EPS8L2: variants seen among roughly 807,000 people sequenced by gnomAD.
EPS8L2 encodes the protein epidermal growth factor receptor kinase substrate 8-like protein 2.
EPS8L2 carries 81 observed loss-of-function variants against 99.4 expected under a neutral mutation model. The ratio of observed to expected loss-of-function variants is 0.82; its 90% CI spans 0.68 to 0.98. The LOEUF (loss-of-function observed/expected upper bound fraction) is 0.98. Among genes scored for constraint, EPS8L2 ranks in the 50% least tolerant of loss-of-function variants. The pLI, the probability that EPS8L2 is intolerant of heterozygous loss-of-function variation, is 0.00. For missense variants in EPS8L2, 1,155 were observed against 968.8 expected, an observed-to-expected ratio of 1.19 and a Z score of -2.55; for synonymous variants, 509 against 407.3, an observed-to-expected ratio of 1.25 and a Z score of -3.01.
chr11:716,857 T>C (rs1212651816), intron 4 of EPS8L2, among the ~76,000 whole-genome samples: 1 of 152,252 alleles, frequency 6.6e-6, no homozygotes, highest in Non-Finnish European at 1.5e-5. Context: ...AGACTTGTTC[T>C]GTGGCCCAGC....
At chr11:706,967 C>T (rs1471513255) in intron 1 of EPS8L2, among the ~76,000 whole-genome samples, 1 of 152,108 alleles carries the variant, frequency 6.6e-6, no homozygotes, top group East Asian at 1.9e-4. Context: ...GTCCAGCTGC[C>T]TGGCGTTGCC....
In EPS8L2 at chr11:723,428, AC is replaced by A. The variant is rs1216285224; in HGVS notation, c.1454+76del. 4.7e-6 allele frequency: 3 copies of A among 639,000 alleles called. No individual in the cohort carries two copies. The Admixed American group carries it at 9.4e-5, about 20-fold the overall frequency. The allele number at this position is 639,000 out of a possible 1,614,324, so 39.6% of individuals were successfully genotyped here. ...CTACAGTCTCTAAAAACATATGGGT[AC>A]GCTGCCACCAGGTGGTGGCAAGTGC... On this transcript the variant is annotated intron_variant, in intron 15 of 20. Coordinates refer to ENST00000318562, the MANE Select transcript of EPS8L2 (RefSeq NM_022772.4).
chr11:714,419 TG>T (rs1293512838), intron 4 of EPS8L2, among the ~76,000 whole-genome samples: 1 of 151,426 alleles, frequency 6.6e-6, no homozygotes, highest in Non-Finnish European at 1.5e-5. Context: ...TCATCAGAGA[TG>T]GGGTTTCACC....
chr11:714,218 C>A (rs1230147742), intron 4 of EPS8L2, among the ~76,000 whole-genome samples: 2 of 148,406 alleles, frequency 1.3e-5, no homozygotes, highest in East Asian at 3.9e-4. Flanking sequence ...CCTGTGTTTT[C>A]TTTTTCTTTT....
In EPS8L2 at chr11:706,276, G is replaced by C. The variant is rs1435962810; in HGVS notation, c.-91G>C. 1 of 151,990 alleles carries C rather than the reference G, an allele frequency of 6.6e-6. No individual in the cohort carries two copies. The highest frequency in any genetic ancestry group is 2.4e-5 in the African/African-American group (1 of 41,410). 9.4% of individuals were successfully genotyped at this position (151,990 alleles called of 1,614,324 possible). A position where few individuals can be genotyped will look rare whatever the true frequency, so the allele number is the denominator to read the frequency against. On this transcript the variant is annotated 5_prime_UTR_variant, in exon 1 of 21. Coordinates refer to ENST00000318562, the MANE Select transcript of EPS8L2 (RefSeq NM_022772.4). The stretch of plus-strand genomic sequence containing the variant: ...GCCGAGGGGACAGGCCGAGCGCGGG[G>C]CGCCGGAGGCAGGTGAGCGCTGCGG...
At chr11:719,593 T>C (rs1308379924) in intron 4 of EPS8L2, among the ~76,000 whole-genome samples, 1 of 152,224 alleles carries the variant, frequency 6.6e-6, no homozygotes, top group Non-Finnish European at 1.5e-5. Flanking sequence ...ACCGGAACAG[T>C]GCCTTGGAGT....
In EPS8L2 at chr11:724,466, C is replaced by A. The variant is rs1273396965; in HGVS notation, c.1455-258C>A. On this transcript the variant is annotated intron_variant, in intron 15 of 20. Coordinates refer to ENST00000318562, the MANE Select transcript of EPS8L2 (RefSeq NM_022772.4). This position sits in a 1 kb window ranked among gnomAD's most constrained non-coding sequence, Gnocchi z 5.5. ...ACCCCTGAGGTGGCCTGGGATGGGC[C>A]AGCCTTGCTGTACCACAGGCCCCTG... 3 of 514,848 alleles carry A rather than the reference C, an allele frequency of 5.8e-6. No individual in the cohort carries two copies. Among genetic ancestry groups the A allele is most frequent in the Non-Finnish European group, 1.1e-5 (3 of 283,844 alleles). The allele number at this position is 514,848 out of a possible 1,614,324, so 31.9% of individuals were successfully genotyped here. A position where few individuals can be genotyped will look rare whatever the true frequency, so the allele number is the denominator to read the frequency against.
rs548063340 is a variant in EPS8L2 at position 721,293 on chromosome 11, C to T, written c.709C>T (p.Arg237Cys). ...QVPLSEPGFR[R>C]RESQEEPRAV... ...GCCGTGTCCCCCATCAGGTTTCCGC[C>T]GTCGGGAGTCGCAGGAGGAGCCGCG... Residue 237 changes from arginine to cysteine, a missense_variant, in exon 9 of 21, where the codon CGT (arginine) becomes TGT (cysteine). Arg to Cys is a radical substitution (Grantham distance 180). Transcript: ENST00000318562. The T allele has an allele frequency of 6.5e-6, 10 of 1,540,100 alleles. No individual in the cohort carries two copies. The African/African-American group carries it at 9.6e-5, about 15-fold the overall frequency.
chr11:716,923 C>T (rs769840491), intron 4 of EPS8L2, among the ~76,000 whole-genome samples: 38 of 152,164 alleles, frequency 2.5e-4, no homozygotes, highest in Non-Finnish European at 5.0e-4. Flanking sequence ...CTCTGCCTCT[C>T]GCAGAGAGAT....
At chr11:716,129 T>C (rs1286362208) in intron 4 of EPS8L2, among the ~76,000 whole-genome samples, 1 of 149,706 alleles carries the variant, frequency 6.7e-6, no homozygotes, top group East Asian at 2.0e-4. Flanking sequence ...TGCACCACCA[T>C]GCCTGGCTAA....
chr11:709,932 T>G, intron 3 of EPS8L2: 1 of 460,322 alleles, frequency 2.2e-6, no homozygotes, highest in Non-Finnish European at 4.0e-6. Context: ...GAGGGGGGCC[T>G]GGCCAGCCCC....
intron 4 of EPS8L2, among the ~76,000 whole-genome samples, chr11:719,643 G>A (rs1395070030): frequency 2.0e-5 from 3 of 152,254 alleles, no homozygotes; most frequent in East Asian, 1.9e-4. Context: ...CGTGCAGCGC[G>A]ACGTTGGGTC....
rs1217761456 is a variant in EPS8L2, at chr11:720,613, TC to T, written c.347del (p.Pro116ArgfsTer70). 1 of 1,600,228 alleles carries T rather than the reference TC, an allele frequency of 6.2e-7. No individual in the cohort carries two copies. The highest frequency in any genetic ancestry group is 2.3e-5 in the East Asian group (1 of 44,330). Reference sequence around the variant, plus strand: ...TACCCGCAGGAGGAGCTGGAAGACTTCCCGCTGCCCACGGTGCAGCGCAGCC... The same window carrying T: ...TACCCGCAGGAGGAGCTGGAAGACTTCCGCTGCCCACGGTGCAGCGCAGCC... ...DIESQEELED[F>X]PLPTVQRSQT... On this transcript the variant is annotated frameshift_variant, in exon 6 of 21. Coordinates refer to ENST00000318562, the MANE Select transcript of EPS8L2 (RefSeq NM_022772.4). LOFTEE classifies it high-confidence loss of function.
chr11:721,008 G>GT (rs1862156586), intron 7 of EPS8L2, 56 bp from the exon 8 acceptor site: 1 of 1,490,610 alleles, frequency 6.7e-7, no homozygotes, highest in African/African-American at 1.4e-5. Flanking sequence ...GCCCGGCAGG[G>GT]AGGGAGGGTC....
At chr11:721,245 T>A in intron 8 of EPS8L2, 39 bp downstream of exon 8, 1 of 1,537,684 alleles carries the variant, frequency 6.5e-7, no homozygotes, top group Non-Finnish European at 8.7e-7. Flanking sequence ...CAGGGCTCGT[T>A]GTGGGGGGCT....
intron 4 of EPS8L2, among the ~76,000 whole-genome samples, chr11:716,325 T>G (rs10902204): frequency 0.51 from 77,378 of 151,744 alleles, 20,193 homozygotes; most frequent in Admixed American, 0.57. Context: ...ATTTTTTGTG[T>G]TTTTAGTAGA....
rs770884434 is a variant in EPS8L2, at chr11:721,279, C to T, written c.701-6C>T. On this transcript the variant is annotated splice_polypyrimidine_tract_variant and splice_region_variant and intron_variant, in intron 8 of 20. Transcript: ENST00000318562. The stretch of plus-strand genomic sequence containing the variant: ...CTCGGTGAGCAGCCGCCGTGTCCCC[C>T]ATCAGGTTTCCGCCGTCGGGAGTCG... The T allele has an allele frequency of 2.4e-5, 37 of 1,540,274 alleles. No individual in the cohort carries two copies. The highest frequency in any genetic ancestry group is 2.7e-5 in the Non-Finnish European group (31 of 1,146,474).
At position 724,806 on chromosome 11, in the gene EPS8L2, G is replaced by A. The variant is rs1193717985; in HGVS notation, c.1537G>A (p.Val513Met). 1.9e-6 allele frequency: 3 copies of A among 1,613,394 alleles called. No homozygotes were observed. In the South Asian group the frequency reaches 3.3e-5, roughly 18 times the overall value. ...FTARNANELSVLKDEVLEVLE... is the reference protein window; with the variant it reads ...FTARNANELSMLKDEVLEVLE... ...AGCCCGAAATGCCAACGAGCTATCG[G>A]TGCTCAAGGATGAGGTCCTAGAGGT... The change falls in exon 16 of 21, where the codon GTG (valine) becomes ATG (methionine). Residue 513 changes from valine (V) to methionine (M), a missense_variant. Val to Met is a conservative substitution (Grantham distance 21). Transcript: ENST00000318562. This position sits in a 1 kb window ranked among gnomAD's most constrained non-coding sequence, Gnocchi z 5.5.
intron 20 of EPS8L2, 58 bp downstream of exon 20, chr11:726,809 C>G: frequency 6.3e-7 from 1 of 1,579,940 alleles, no homozygotes; most frequent in Non-Finnish European, 8.6e-7. Flanking sequence ...CTCCTCTCCC[C>G]CGCCCGTTCC....
Sources: gnomAD v4.1 joint callset for allele counts (sites outside exome capture counted in the v4.1 genomes callset) on GRCh38, gnomAD v4.1.1 for gene constraint, Gnocchi (gnomAD v3.1) non-coding constraint, MANE v1.5 for transcripts, NCBI Gene and HGNC (gene_info 2026-07-23, HGNC 2026-07-21) for gene names.